Variants in GPM6A observed in about 807,000 individuals in gnomAD.
The protein encoded by GPM6A is neuronal membrane glycoprotein M6-a.
Under a neutral mutation model 32.1 loss-of-function variants are expected in GPM6A, and 7 were observed. That is an observed-to-expected ratio of 0.22 (90% CI 0.12 to 0.41). The LOEUF (loss-of-function observed/expected upper bound fraction) is 0.41, where lower values mean the gene tolerates loss of function less well. Among genes scored for constraint, GPM6A ranks in the 10% least tolerant of loss-of-function variants. The pLI is 1.00. For missense variants in GPM6A, 235 were observed against 347.2 expected (o/e 0.68, Z 2.57); for synonymous variants, 130 against 123.4 (o/e 1.05, Z -0.35).
At chr4:175,863,406 C>T (rs1736631486) in intron 1 of GPM6A, among the ~76,000 whole-genome samples, 2 of 152,072 alleles carry the variant, frequency 1.3e-5, no homozygotes, top group African/African-American at 4.8e-5. Flanking sequence ...CTGTACATAT[C>T]AACAATCCAT....
intron 1 of GPM6A, among the ~76,000 whole-genome samples, chr4:175,791,882 A>G (rs1734027309): frequency 6.6e-6 from 1 of 152,132 alleles, no homozygotes; most frequent in Admixed American, 6.6e-5. Context: ...TCCCAGAAAT[A>G]CTTCCATTTA....
intron 1 of GPM6A, among the ~76,000 whole-genome samples, chr4:175,822,682 T>A (rs78808074): frequency 0.01 from 1,590 of 151,756 alleles, 17 homozygotes; most frequent in Middle Eastern, 0.021. Context: ...AACATTGTAC[T>A]TTAAGTTCTG....
chr4:175,799,496 A>G (rs939536130), intron 1 of GPM6A, among the ~76,000 whole-genome samples: 3 of 152,082 alleles, frequency 2.0e-5, no homozygotes, highest in Non-Finnish European at 2.9e-5. Flanking sequence ...CTTAACTTAT[A>G]AGAATAGAGA....
intron 3 of GPM6A, among the ~76,000 whole-genome samples, chr4:175,665,546 T>C (rs906529119): frequency 2.0e-5 from 3 of 152,074 alleles, no homozygotes; most frequent in Non-Finnish European, 4.4e-5. Context: ...TTTGGGAGAC[T>C]GAGGCGGGCG....
At chr4:175,931,867 T>C (rs1739058893) in intron 1 of GPM6A, among the ~76,000 whole-genome samples, 1 of 152,002 alleles carries the variant, frequency 6.6e-6, no homozygotes, top group Non-Finnish European at 1.5e-5. Context: ...GGAGGTTCAC[T>C]TGAGGCTGGG....
At chr4:175,735,108 C>T (rs1731604819) in intron 1 of GPM6A, among the ~76,000 whole-genome samples, 2 of 152,168 alleles carry the variant, frequency 1.3e-5, no homozygotes, top group African/African-American at 4.8e-5. Flanking sequence ...CAAAGTACAT[C>T]CTTCTTGAGT....
rs77435246 is a variant in GPM6A, at chr4:175,859,760, C to T, written c.-22-47511G>A. On this transcript the variant is annotated intron_variant, in intron 1 of 7. Coordinates refer to the GPM6A transcript ENST00000280187. The stretch of plus-strand genomic sequence containing the variant: ...CCCTGGGGTTTTCCTAAATAATATC[C>T]TATATCATGAAACTTCAAACAGCTA... Among the ~76,000 whole-genome samples the T allele has an allele frequency of 1.0e-3, 158 of 151,980 alleles. 4 individuals are homozygous for T. In the East Asian group the frequency reaches 0.027, roughly 26 times the overall value.
intron 1 of GPM6A, among the ~76,000 whole-genome samples, chr4:175,922,215 G>A (rs1186242443): frequency 6.6e-6 from 1 of 152,176 alleles, no homozygotes; most frequent in South Asian, 2.1e-4. Flanking sequence ...CTCAATTCAT[G>A]TTAGCTTCCT....
intron 1 of GPM6A, among the ~76,000 whole-genome samples, chr4:175,963,911 A>T (rs1474337764): frequency 6.6e-6 from 1 of 152,168 alleles, no homozygotes; most frequent in African/African-American, 2.4e-5. Context: ...GTGGTAATAT[A>T]GTATTGCCAA....
intron 3 of GPM6A, among the ~76,000 whole-genome samples, chr4:175,669,487 A>G (rs1742932747): frequency 6.6e-6 from 1 of 152,180 alleles, no homozygotes; most frequent in South Asian, 2.1e-4. Context: ...CAATGCTCCA[A>G]TGAACATTTC....
chr4:175,970,849 G>T (rs772997648), intron 1 of GPM6A: 47 of 454,958 alleles, frequency 1.0e-4, no homozygotes, highest in South Asian at 1.6e-4. Context: ...GAAATCTTCC[G>T]ATTGTTAGAT....
chr4:175,847,241 A>G (rs188381148), intron 1 of GPM6A, among the ~76,000 whole-genome samples: 58 of 152,276 alleles, frequency 3.8e-4, no homozygotes, highest in Middle Eastern at 3.4e-3. Context: ...ATGCCCATTA[A>G]AGCAAATTCC....
At chr4:175,876,045 A>G (rs1560975279) in intron 1 of GPM6A, among the ~76,000 whole-genome samples, 1 of 152,238 alleles carries the variant, frequency 6.6e-6, no homozygotes, top group Non-Finnish European at 1.5e-5. Context: ...GATAAGTCAG[A>G]TAACCTTTTT....
chr4:175,977,128 C>G (rs1431374889), intron 1 of GPM6A, among the ~76,000 whole-genome samples: 1 of 152,050 alleles, frequency 6.6e-6, no homozygotes, highest in Non-Finnish European at 1.5e-5. Context: ...GTGTGAACAA[C>G]TGGTCTCCAA....
chr4:175,710,866 T>C (rs1184834676), intron 1 of GPM6A, among the ~76,000 whole-genome samples: 2 of 152,188 alleles, frequency 1.3e-5, no homozygotes, highest in African/African-American at 4.8e-5. Context: ...CTGACCCTTA[T>C]GCTGTGTGTT....
At chr4:175,912,807 T>A (rs1187188964) in intron 1 of GPM6A, among the ~76,000 whole-genome samples, 1 of 152,170 alleles carries the variant, frequency 6.6e-6, no homozygotes, top group East Asian at 1.9e-4. Context: ...CCTAGAATGA[T>A]GGTGAGAGTT....
chr4:175,714,193 A>G (rs1745707890), intron 1 of GPM6A, among the ~76,000 whole-genome samples: 1 of 152,164 alleles, frequency 6.6e-6, no homozygotes, highest in Non-Finnish European at 1.5e-5. Context: ...ATAAAATCAC[A>G]TTAGATGCCC....
intron 1 of GPM6A, among the ~76,000 whole-genome samples, chr4:175,877,529 G>T (rs1203946193): frequency 6.6e-6 from 1 of 152,102 alleles, no homozygotes; most frequent in African/African-American, 2.4e-5. Context: ...AGGGCAGCAG[G>T]AGAGAGAATT....
In GPM6A at chr4:175,750,636, A is replaced by C. The variant is rs756180924; in HGVS notation, c.38-48869T>G. Among the ~76,000 whole-genome samples, 245 of 150,870 alleles carry C rather than the reference A, an allele frequency of 1.6e-3. 1 individual carries two copies. The highest frequency in any genetic ancestry group is 2.6e-3 in the Non-Finnish European group (178 of 67,514). On this transcript the variant is annotated intron_variant, in intron 1 of 6. Transcript: ENST00000393658. ...CGCCAAGGCTAGAGTGTGGTGGACC[A>C]ATCTTGGCTCACTGCAACCTCCACC...
Sources: allele counts gnomAD v4.1 joint callset (sites outside exome capture counted in the v4.1 genomes callset), GRCh38; gene constraint gnomAD v4.1.1; transcripts MANE v1.5; gene names NCBI Gene and HGNC (gene_info 2026-07-23, HGNC 2026-07-21).